KAZN: variants seen among roughly 807,000 people sequenced by gnomAD.
KAZN encodes kazrin.
Under a neutral mutation model 87.4 loss-of-function variants are expected in KAZN, and 40 were observed. That is an observed-to-expected ratio of 0.46 (90% CI 0.36 to 0.60). KAZN has a LOEUF of 0.60. Ranked by LOEUF, KAZN falls within the 20% of genes least tolerant of loss-of-function variation. The pLI is 0.00. For missense variants in KAZN, 898 were observed against 1,073.9 expected, an observed-to-expected ratio of 0.84 and a Z score of 2.29; for synonymous variants, 466 against 458.3, an observed-to-expected ratio of 1.02 and a Z score of -0.22.
chr1:14,664,292 G>A (rs1639371655), intron 1 of KAZN, among the ~76,000 whole-genome samples: 1 of 152,140 alleles, frequency 6.6e-6, no homozygotes, highest in Non-Finnish European at 1.5e-5. Context: ...AATTAGCTGG[G>A]CATGGTGGTG....
At chr1:14,229,078 C>T (rs1647561070) in intron 2 of KAZN, among the ~76,000 whole-genome samples, 1 of 152,176 alleles carries the variant, frequency 6.6e-6, no homozygotes, top group Admixed American at 6.5e-5. Context: ...AATGAGGTGC[C>T]TTCATTTAGC....
At chr1:14,395,215 G>C (rs1662794397) in intron 2 of KAZN, among the ~76,000 whole-genome samples, 1 of 152,102 alleles carries the variant, frequency 6.6e-6, no homozygotes, top group Non-Finnish European at 1.5e-5. Context: ...AGAGAAGGCA[G>C]GTGGTCTGCT....
chr1:14,547,321 A>G (rs928945395), intron 2 of KAZN, among the ~76,000 whole-genome samples: 4 of 152,210 alleles, frequency 2.6e-5, no homozygotes, highest in Non-Finnish European at 4.4e-5. Flanking sequence ...TAAATTACAG[A>G]GTTTTTTACT....
At chr1:14,591,061 A>T (rs905367788) in intron 2 of KAZN, among the ~76,000 whole-genome samples, 1 of 152,112 alleles carries the variant, frequency 6.6e-6, no homozygotes, top group Non-Finnish European at 1.5e-5. Flanking sequence ...GGGAAATTAG[A>T]GCAGATTTAG....
chr1:15,093,156 C>T (rs1304838118), intron 8 of KAZN, among the ~76,000 whole-genome samples: 2 of 151,976 alleles, frequency 1.3e-5, no homozygotes, highest in African/African-American at 2.4e-5. Context: ...CAAAAGGTAC[C>T]GCAGGTCTCT....
At chr1:14,497,174 A>G (rs1385933005) in intron 2 of KAZN, among the ~76,000 whole-genome samples, 2 of 152,086 alleles carry the variant, frequency 1.3e-5, no homozygotes, top group Non-Finnish European at 2.9e-5. Context: ...ATAGCGATAA[A>G]ACACCGACTT....
intron 2 of KAZN, among the ~76,000 whole-genome samples, chr1:14,436,851 G>A (rs1441416289): frequency 6.6e-6 from 1 of 152,140 alleles, no homozygotes; most frequent in Non-Finnish European, 1.5e-5. Context: ...CTGGTCAGTG[G>A]AGCAAAGAGG....
At chr1:14,155,826 T>C (rs1023895753) in intron 1 of KAZN, among the ~76,000 whole-genome samples, 4 of 152,102 alleles carry the variant, frequency 2.6e-5, no homozygotes, top group African/African-American at 9.7e-5. Flanking sequence ...ATTTTTGTAT[T>C]TTTAGTAGAG....
At chr1:14,133,309 GT>G (rs1221337457) in intron 1 of KAZN, among the ~76,000 whole-genome samples, 4 of 150,590 alleles carry the variant, frequency 2.7e-5, no homozygotes, top group African/African-American at 9.8e-5. Flanking sequence ...AGAGGTTGCA[GT>G]GAGCTGAGAT....
intron 1 of KAZN, among the ~76,000 whole-genome samples, chr1:14,088,857 G>GA (rs1302360310): frequency 1.3e-5 from 2 of 150,930 alleles, no homozygotes; most frequent in African/African-American, 2.4e-5. Flanking sequence ...CTCTCTTCAT[G>GA]AATGGGCCTT....
intron 2 of KAZN, among the ~76,000 whole-genome samples, chr1:14,439,470 C>G (rs759791113): frequency 1.3e-5 from 2 of 152,150 alleles, no homozygotes; most frequent in Non-Finnish European, 2.9e-5. Context: ...CTTCTCTGCT[C>G]AAACTCTCCA....
At chr1:14,969,761 G>T (rs1450801533) in intron 2 of KAZN, among the ~76,000 whole-genome samples, 1 of 152,148 alleles carries the variant, frequency 6.6e-6, no homozygotes, top group Non-Finnish European at 1.5e-5. Context: ...GAGGGCAGCT[G>T]GATTCCTAAA....
At chr1:14,371,203 T>A (rs1660455479) in intron 2 of KAZN, among the ~76,000 whole-genome samples, 1 of 152,094 alleles carries the variant, frequency 6.6e-6, no homozygotes, top group Non-Finnish European at 1.5e-5. Context: ...CAAGCTACAT[T>A]TGGGACAAGT....
At chr1:14,565,535 A>G (rs1313978155) in intron 2 of KAZN, among the ~76,000 whole-genome samples, 1 of 152,176 alleles carries the variant, frequency 6.6e-6, no homozygotes, top group Admixed American at 6.5e-5. Context: ...TAAGACAACA[A>G]TGAAGCTTGA....
chr1:14,414,346 A>C (rs78960911), intron 2 of KAZN, among the ~76,000 whole-genome samples: 1 of 50,836 alleles, frequency 2.0e-5, no homozygotes, highest in African/African-American at 5.3e-5. Flanking sequence ...TGTCATAGGA[A>C]AAAAAAAAAA....
intron 2 of KAZN, among the ~76,000 whole-genome samples, chr1:14,460,628 T>C (rs549172213): frequency 6.6e-6 from 1 of 152,276 alleles, no homozygotes; most frequent in East Asian, 1.9e-4. Context: ...CTAATGTACT[T>C]TAAGTCACTG....
chr1:14,598,518 C>T (rs1288358899), upstream of KAZN, among the ~76,000 whole-genome samples: 1 of 152,108 alleles, frequency 6.6e-6, no homozygotes, highest in Admixed American at 6.5e-5. This position sits in a 1 kb window ranked among gnomAD's most constrained non-coding sequence, Gnocchi z 4.2. Context: ...GCCACCTTGG[C>T]CCCCTCCCGA....
chr1:13,902,082 C>A (rs1639271982), intron 1 of KAZN, among the ~76,000 whole-genome samples: 1 of 152,244 alleles, frequency 6.6e-6, no homozygotes, highest in African/African-American at 2.4e-5. Context: ...CCGGGGTGGT[C>A]AGCCACAGAG....
chr1:14,298,234 T>C (rs1654277670), intron 2 of KAZN, among the ~76,000 whole-genome samples: 1 of 152,186 alleles, frequency 6.6e-6, no homozygotes, highest in East Asian at 1.9e-4. Context: ...CTTAAAAAAG[T>C]AAATTGGTTA....
Sources: gnomAD v4.1 joint callset for allele counts (sites outside exome capture counted in the v4.1 genomes callset) on GRCh38, gnomAD v4.1.1 for gene constraint, Gnocchi (gnomAD v3.1) non-coding constraint, MANE v1.5 for transcripts, NCBI Gene and HGNC (gene_info 2026-07-23, HGNC 2026-07-21) for gene names.